The following RTN4RL2 variants were observed in gnomAD, a reference collection of about 807,000 sequenced individuals.
RTN4RL2 encodes the protein reticulon 4 receptor like 2.
A neutral mutation model predicts 27.8 loss-of-function variants in RTN4RL2; 9 were observed. The ratio of observed to expected loss-of-function variants is 0.32; its 90% CI spans 0.20 to 0.57. The LOEUF (loss-of-function observed/expected upper bound fraction) is 0.57, where lower values mean the gene tolerates loss of function less well. Ranked by LOEUF, RTN4RL2 falls within the 20% of genes least tolerant of loss-of-function variation. The pLI is 0.90. For missense variants in RTN4RL2, 436 were observed against 596.8 expected (o/e 0.73, Z 2.81); for synonymous variants, 285 against 297.9 (o/e 0.96, Z 0.45).
chr11:57,476,469 C>T lies in RTN4RL2; in HGVS notation c.821C>T (p.Ala274Val), dbSNP rs1292639608. 3 of 1,549,108 alleles carry T rather than the reference C, an allele frequency of 1.9e-6. No homozygotes were observed. Among genetic ancestry groups the T allele is most frequent in the East Asian group, 2.5e-5 (1 of 40,140 alleles). Residue 274 changes from alanine (A) to valine (V), a missense_variant, in exon 3 of 3, where the codon GCC becomes GTC. Transcript: ENST00000335099. This position sits in a 1 kb window ranked among gnomAD's most constrained non-coding sequence, Gnocchi z 8.2. ...ACDCRARPLW[A>V]WFQRARVSSS... Reference sequence around the variant, plus strand: ...GACTGCCGCGCGCGGCCGCTCTGGGCCTGGTTCCAGCGCGCGCGCGTGTCC... The same window carrying T: ...GACTGCCGCGCGCGGCCGCTCTGGGTCTGGTTCCAGCGCGCGCGCGTGTCC...
chr11:57,473,705 G>A (rs1471391112), intron 2 of RTN4RL2, among the ~76,000 whole-genome samples: 5 of 152,072 alleles, frequency 3.3e-5, no homozygotes, highest in Non-Finnish European at 5.9e-5. Flanking sequence ...ATTCAAGGAA[G>A]TGGCAACGGG....
Position 57,467,553 on chromosome 11 carries a change from G to A in RTN4RL2, c.32-56G>A. The stretch of plus-strand genomic sequence containing the variant: ...TACCAAGTTGGGGGGCTGGCCCCCA[G>A]CTGGCACTCCTGCCCTGGAAGCCCA... On this transcript the variant is annotated intron_variant, in intron 1 of 2. Transcript: ENST00000335099. The surrounding 1 kb of genome is among the most constrained non-coding windows in gnomAD (Gnocchi z 5.5). 2 of 1,545,804 alleles carry A rather than the reference G, an allele frequency of 1.3e-6. No individual in the cohort carries two copies. The highest frequency in any genetic ancestry group is 1.7e-6 in the Non-Finnish European group (2 of 1,147,946).
At position 57,467,082 on chromosome 11, in the gene RTN4RL2, C is replaced by A. The variant is rs943610693; in HGVS notation, c.32-527C>A. 6.6e-6 allele frequency among the ~76,000 whole-genome samples: 1 copy of A among 152,200 alleles called. No individual in the cohort carries two copies. Among genetic ancestry groups the A allele is most frequent in the South Asian group, 2.1e-4 (1 of 4,832 alleles). On this transcript the variant is annotated intron_variant, in intron 1 of 2. Transcript: ENST00000335099. The surrounding 1 kb of genome is among the most constrained non-coding windows in gnomAD (Gnocchi z 5.5). ...CAATTTGCAGTGCTTTCTACAATGG[C>A]CTTTTGGCATTATTTTTTAATATAT...
At position 57,476,813 on chromosome 11, in the gene RTN4RL2, G is replaced by A. The variant is rs770474073; in HGVS notation, c.1165G>A (p.Ala389Thr). The A allele has an allele frequency of 1.6e-5, 25 of 1,545,374 alleles. No individual in the cohort carries two copies. In the South Asian group the frequency reaches 2.8e-4, roughly 17 times the overall value. Residue 389 changes from alanine to threonine, a missense_variant, in exon 3 of 3, where the codon GCC (alanine) becomes ACC (threonine). This residue lies in a region of RTN4RL2 where 60 missense variants were observed against 43.0 expected (regional missense o/e 1.40). Coordinates refer to ENST00000335099, the MANE Select transcript of RTN4RL2 (RefSeq NM_178570.3). This position sits in a 1 kb window ranked among gnomAD's most constrained non-coding sequence, Gnocchi z 8.2. ...QRGEQMCPGAACQAPPDSRGP... is the reference protein window; with the variant it reads ...QRGEQMCPGATCQAPPDSRGP... ...AGGGGAGCAGATGTGCCCCGGCGCT[G>A]CCTGCCAGGCGCCCCCGGACTCCCG...
At chr11:57,474,936 G>A (rs1590734249) in intron 2 of RTN4RL2, among the ~76,000 whole-genome samples, 1 of 152,216 alleles carries the variant, frequency 6.6e-6, no homozygotes. Flanking sequence ...AAGGGGAGTA[G>A]TAATGCAATG....
chr11:57,467,602 C>G lies in RTN4RL2; in HGVS notation c.32-7C>G. 1 of 1,597,464 alleles carries G rather than the reference C, an allele frequency of 6.3e-7. No individual in the cohort carries two copies. ...CACCTAGTAAGTTCTGCTTCCCCTC[C>G]CCACAGCTCCCGCCTCGGCCTGCCT... is the stretch of plus-strand genomic sequence containing the variant. On this transcript the variant is annotated splice_region_variant and splice_polypyrimidine_tract_variant and intron_variant, in intron 1 of 2. Coordinates refer to ENST00000335099, the MANE Select transcript of RTN4RL2 (RefSeq NM_178570.3). The surrounding 1 kb of genome is among the most constrained non-coding windows in gnomAD (Gnocchi z 5.5).
chr11:57,463,047 G>A (rs1003508493), intron 1 of RTN4RL2, among the ~76,000 whole-genome samples: 11 of 152,304 alleles, frequency 7.2e-5, no homozygotes, highest in Non-Finnish European at 1.6e-4. Context: ...TGGTTTCTGC[G>A]GAGGATGTGG....
intron 2 of RTN4RL2, among the ~76,000 whole-genome samples, chr11:57,473,880 G>C (rs982113334): frequency 2.0e-4 from 31 of 152,174 alleles, no homozygotes; most frequent in Middle Eastern, 6.8e-3. Flanking sequence ...AAAGGCACCT[G>C]AATTCCCTAG....
chr11:57,465,518 GAAGGT>G (rs1424712383), intron 1 of RTN4RL2, among the ~76,000 whole-genome samples: 1 of 152,208 alleles, frequency 6.6e-6, no homozygotes, highest in Non-Finnish European at 1.5e-5. Context: ...GCTTGAAGCA[GAAGGT>G]GTTCAGTCAC....
intron 1 of RTN4RL2, among the ~76,000 whole-genome samples, chr11:57,465,990 ATTTTTTTTTTTTTT>A (rs35174184): frequency 1.3e-5 from 1 of 77,900 alleles, no homozygotes. Flanking sequence ...CATGCCTACA[ATTTTTTTTTTTTTT>A]TTTTTTTTTT....
intron 2 of RTN4RL2, among the ~76,000 whole-genome samples, chr11:57,475,749 G>C (rs1943591505): frequency 6.6e-6 from 1 of 152,110 alleles, no homozygotes; most frequent in South Asian, 2.1e-4. Flanking sequence ...AGAAAGGCTG[G>C]CTCCCCAGTC....
chr11:57,474,973 G>A (rs907611584), intron 2 of RTN4RL2, among the ~76,000 whole-genome samples: 3 of 152,156 alleles, frequency 2.0e-5, no homozygotes, highest in Non-Finnish European at 4.4e-5. Flanking sequence ...CTCCCCTGCC[G>A]CCTCTGGGGG....
chr11:57,473,168 G>A (rs1326249097), intron 2 of RTN4RL2, among the ~76,000 whole-genome samples: 1 of 152,190 alleles, frequency 6.6e-6, no homozygotes, highest in Non-Finnish European at 1.5e-5. Flanking sequence ...AAGCGGGGGT[G>A]CCTGGCACAG....
At chr11:57,460,922 G>T in intron 1 of RTN4RL2, 26 bp downstream of exon 1, 1 of 1,374,228 alleles carries the variant, frequency 7.3e-7, no homozygotes, top group Non-Finnish European at 9.6e-7. Context: ...GCGGGAGAGC[G>T]GAGGGCATCC....
At position 57,467,976 on chromosome 11, in the gene RTN4RL2, G is replaced by A; in HGVS notation, c.399G>A (p.Leu133=). The part of the protein sequence containing the change: ...EPDTFQGLER[L]QSLHLYRCQL... ...ACACCTTCCAGGGCCTGGAGCGGCT[G>A]CAGTCGCTGCATTTGTACCGCTGCC... The change falls in exon 2 of 3, where the codon CTG becomes CTA. Residue 133 remains leucine, a synonymous_variant. Transcript: ENST00000335099. This position sits in a 1 kb window ranked among gnomAD's most constrained non-coding sequence, Gnocchi z 5.5. 1 of 1,608,856 alleles carries A rather than the reference G, an allele frequency of 6.2e-7. No individual in the cohort carries two copies. Among genetic ancestry groups the A allele is most frequent in the Non-Finnish European group, 8.5e-7 (1 of 1,179,954 alleles).
intron 1 of RTN4RL2, among the ~76,000 whole-genome samples, chr11:57,462,170 G>T (rs548883530): frequency 1.3e-5 from 2 of 152,098 alleles, no homozygotes; most frequent in Non-Finnish European, 2.9e-5. Context: ...CGGCCTGGAC[G>T]TTGGATTCTG....
Position 57,469,595 on chromosome 11 carries a change from G to T in RTN4RL2, c.513+1505G>T, listed in dbSNP as rs1323961140. 2.6e-5 allele frequency among the ~76,000 whole-genome samples: 4 copies of T among 152,110 alleles called. No homozygotes were observed. In the East Asian group the frequency reaches 7.7e-4, roughly 29 times the overall value. The stretch of plus-strand genomic sequence containing the variant: ...GAATAGTGCTTGGCATACGGTAAGT[G>T]CTATATAAATGCTTGTTAAAATACT... On this transcript the variant is annotated intron_variant, in intron 2 of 2. Coordinates refer to ENST00000335099, the MANE Select transcript of RTN4RL2 (RefSeq NM_178570.3).
chr11:57,476,957 C>T lies in RTN4RL2; in HGVS notation c.*46C>T. Reference sequence around the variant, plus strand: ...AGGCCAGTGTCCGATCCCCGCTTCCCGTCCACCCGGGGCTGCGGCTCCGGC... The same window carrying T: ...AGGCCAGTGTCCGATCCCCGCTTCCTGTCCACCCGGGGCTGCGGCTCCGGC... On this transcript the variant is annotated 3_prime_UTR_variant, in exon 3 of 3. Coordinates refer to ENST00000335099, the MANE Select transcript of RTN4RL2 (RefSeq NM_178570.3). This position sits in a 1 kb window ranked among gnomAD's most constrained non-coding sequence, Gnocchi z 8.2. The T allele has an allele frequency of 2.0e-6, 3 of 1,502,612 alleles. No individual in the cohort carries two copies. Among genetic ancestry groups the T allele is most frequent in the African/African-American group, 1.4e-5 (1 of 69,258 alleles). The allele number at this position is 1,502,612 out of a possible 1,614,324, so 93.1% of individuals were successfully genotyped here.
intron 2 of RTN4RL2, among the ~76,000 whole-genome samples, chr11:57,468,377 C>T (rs1467634283): frequency 1.3e-4 from 20 of 152,158 alleles, no homozygotes; most frequent in Admixed American, 1.3e-3. Context: ...GTCTGTCTGT[C>T]TATCCCTTTC....
Sources: gnomAD v4.1 joint callset for allele counts (sites outside exome capture counted in the v4.1 genomes callset) on GRCh38, gnomAD v4.1.1 for gene constraint, gnomAD v4.1.1 regional missense constraint, Gnocchi (gnomAD v3.1) non-coding constraint, MANE v1.5 for transcripts, NCBI Gene and HGNC (gene_info 2026-07-23, HGNC 2026-07-21) for gene names.